The following MEOX2 variants were observed in gnomAD, a reference collection of about 807,000 sequenced individuals.
MEOX2 encodes mesenchyme homeobox 2.
A neutral mutation model predicts 27.0 loss-of-function variants in MEOX2; 11 were observed. The ratio of observed to expected loss-of-function variants is 0.41; its 90% confidence interval spans 0.26 to 0.68. MEOX2 has a LOEUF of 0.68. MEOX2 is among the 30% of genes least tolerant of loss of function. MEOX2 has a pLI of 0.33. For synonymous variants in MEOX2, 189 were observed against 155.4 expected (o/e 1.22, Z -1.61); for missense variants, 436 against 385.4 (o/e 1.13, Z -1.10).
intron 1 of MEOX2, among the ~76,000 whole-genome samples, chr7:15,660,571 C>T (rs1289877146): frequency 6.6e-6 from 1 of 152,058 alleles, no homozygotes; most frequent in African/African-American, 2.4e-5. Context: ...TTCCCGCCTC[C>T]GACTTGTGAC....
rs115492688 is a variant in MEOX2 at position 15,653,995 on chromosome 7, G to A, written c.518-27077C>T. ...CTGACATAAAACTTACAGCAAATTG[G>A]GGGAAATTGACATCTTTACTATGTT... On this transcript the variant is annotated intron_variant, in intron 1 of 2. Transcript: ENST00000262041. Among the ~76,000 whole-genome samples, 609 of 151,896 alleles carry A rather than the reference G, an allele frequency of 4.0e-3. 4 individuals carry two copies. Among genetic ancestry groups the A allele is most frequent in the African/African-American group, 0.014 (570 of 41,474 alleles).
chr7:15,681,653 C>T lies in MEOX2; in HGVS notation c.517+4233G>A, dbSNP rs17168980. ...AAATTCCAGAGTTATAATGAACGGT[C>T]TATGTTTTGAAACACAGAGGGAGAA... On this transcript the variant is annotated intron_variant, in intron 1 of 2. Coordinates refer to ENST00000262041, the MANE Select transcript of MEOX2 (RefSeq NM_005924.5). The T allele has an allele frequency of 8.6e-5, 13 of 151,648 alleles. No individual in the cohort carries two copies. The East Asian group carries it at 2.3e-3, about 27-fold the overall frequency. The allele number at this position is 151,648 out of a possible 1,614,324, so 9.4% of individuals were successfully genotyped here.
intron 1 of MEOX2, among the ~76,000 whole-genome samples, chr7:15,631,127 G>C (rs1332945477): frequency 2.6e-5 from 4 of 151,628 alleles, no homozygotes; most frequent in African/African-American, 2.4e-5. Context: ...CTCTTTGATA[G>C]CTATAATAAT....
chr7:15,683,910 T>G (rs910423814), intron 1 of MEOX2, among the ~76,000 whole-genome samples: 1 of 152,198 alleles, frequency 6.6e-6, no homozygotes, highest in Non-Finnish European at 1.5e-5. Context: ...TCCAGTACCC[T>G]CATTATCAGC....
At position 15,686,478 on chromosome 7, in the gene MEOX2, C is replaced by T. The variant is rs1278622777; in HGVS notation, c.-76G>A. The T allele has an allele frequency of 1.5e-6, 2 of 1,327,106 alleles. No individual in the cohort carries two copies. Among genetic ancestry groups the T allele is most frequent in the African/African-American group, 3.3e-5 (2 of 60,036 alleles). 82.2% of individuals were successfully genotyped at this position (1,327,106 alleles called of 1,614,324 possible). ...GCCACCACCCTCTGTCACTTTTTCA[C>T]TGGAAACCGTGTGATTTTTTTTTTA... On this transcript the variant is annotated 5_prime_UTR_variant, in exon 1 of 3. In the 5' UTR this introduces an upstream ATG that the reference lacks. Coordinates refer to ENST00000262041, the MANE Select transcript of MEOX2 (RefSeq NM_005924.5).
At chr7:15,627,251 A>G (rs1384152861) in intron 1 of MEOX2, among the ~76,000 whole-genome samples, 1 of 152,118 alleles carries the variant, frequency 6.6e-6, no homozygotes. Flanking sequence ...GTTCTGTTTC[A>G]TAAGTTGTTG....
rs927607377 is a variant in MEOX2 at position 15,686,634 on chromosome 7, G to A, written c.-232C>T. The stretch of plus-strand genomic sequence containing the variant: ...CTTCCCTGAGCTACTCAGATGTCAA[G>A]AGTGGGAGAGGTTGAAGCCAAAAGA... On this transcript the variant is annotated 5_prime_UTR_variant, in exon 1 of 3. Coordinates refer to ENST00000262041, the MANE Select transcript of MEOX2 (RefSeq NM_005924.5). 2.0e-5 allele frequency: 11 copies of A among 544,554 alleles called. No homozygotes were observed. In the East Asian group the frequency reaches 2.6e-4, roughly 13 times the overall value. 33.7% of individuals were successfully genotyped at this position (544,554 alleles called of 1,614,324 possible). A position where few individuals can be genotyped will look rare whatever the true frequency, so the allele number is the denominator to read the frequency against.
At chr7:15,629,961 C>T (rs1056657097) in intron 1 of MEOX2, among the ~76,000 whole-genome samples, 1 of 152,034 alleles carries the variant, frequency 6.6e-6, no homozygotes, top group Non-Finnish European at 1.5e-5. Flanking sequence ...CCCTTTTCTT[C>T]AACCTCCCAT....
At chr7:15,644,489 G>A (rs781744296) in intron 1 of MEOX2, among the ~76,000 whole-genome samples, 2 of 152,184 alleles carry the variant, frequency 1.3e-5, no homozygotes, top group Non-Finnish European at 1.5e-5. Flanking sequence ...GGAGGATGGA[G>A]AAGAACATAG....
Position 15,686,362 on chromosome 7 carries a change from G to C in MEOX2, c.41C>G (p.Ala14Gly), listed in dbSNP as rs148483007. 443 of 1,591,346 alleles carry C rather than the reference G, an allele frequency of 2.8e-4. No individual in the cohort carries two copies. The highest frequency in any genetic ancestry group is 3.5e-4 in the Non-Finnish European group (411 of 1,168,266). The change falls in exon 1 of 3, where the codon GCC becomes GGC. Residue 14 changes from alanine (A) to glycine (G), a missense_variant. Physicochemically the swap from Ala to Gly is moderately conservative, Grantham distance 60. Transcript: ENST00000262041. The part of the protein sequence containing the change: ...PLFGCLRSPH[A>G]TAQGLHPFSQ... ...GAACGGGTGCAAGCCTTGCGCCGTG[G>C]CGTGAGGGCTGCGCAGGCAGCCAAA...
At chr7:15,677,935 GA>G (rs1782227742) in intron 1 of MEOX2, among the ~76,000 whole-genome samples, 1 of 152,144 alleles carries the variant, frequency 6.6e-6, no homozygotes, top group African/African-American at 2.4e-5. Context: ...GGGTATTCTA[GA>G]AAATAAATTA....
At position 15,640,842 on chromosome 7, in the gene MEOX2, T is replaced by C. The variant is rs183694779; in HGVS notation, c.518-13924A>G. Among the ~76,000 whole-genome samples, 587 of 152,332 alleles carry C rather than the reference T, an allele frequency of 3.9e-3. 14 individuals carry two copies. The highest frequency in any genetic ancestry group is 0.035 in the Admixed American group (530 of 15,286). ...TGAATCATATTTATTGAGTTGTGTATGTTGAACTATCCTTGCTTCCCTGGA... is the reference window on the plus strand; with the variant it reads ...TGAATCATATTTATTGAGTTGTGTACGTTGAACTATCCTTGCTTCCCTGGA... On this transcript the variant is annotated intron_variant, in intron 1 of 2. Transcript: ENST00000262041.
chr7:15,632,675 C>G (rs1360066855), intron 1 of MEOX2, among the ~76,000 whole-genome samples: 2 of 151,880 alleles, frequency 1.3e-5, no homozygotes, highest in African/African-American at 2.4e-5. Context: ...AAATTTGACA[C>G]AGATTTGATT....
chr7:15,682,422 G>C (rs556398836), intron 1 of MEOX2, among the ~76,000 whole-genome samples: 2 of 151,918 alleles, frequency 1.3e-5, no homozygotes, highest in East Asian at 3.9e-4. Flanking sequence ...CATATAGACA[G>C]ACATAATTTG....
chr7:15,675,367 G>C (rs1160965443), intron 1 of MEOX2, among the ~76,000 whole-genome samples: 2 of 152,186 alleles, frequency 1.3e-5, no homozygotes, highest in Non-Finnish European at 2.9e-5. Context: ...GATTCTGGGA[G>C]AGGTAATTTA....
intron 1 of MEOX2, among the ~76,000 whole-genome samples, chr7:15,684,394 G>C (rs765384174): frequency 3.9e-5 from 6 of 152,124 alleles, no homozygotes; most frequent in African/African-American, 9.7e-5. Context: ...TCTAAAGAGA[G>C]TTTCACTTAT....
At chr7:15,643,677 C>CCA (rs1409319915) in intron 1 of MEOX2, among the ~76,000 whole-genome samples, 1 of 152,210 alleles carries the variant, frequency 6.6e-6, no homozygotes, top group Non-Finnish European at 1.5e-5. Context: ...GGCTGTCAGG[C>CCA]CACACACCCT....
At chr7:15,658,326 G>A (rs928127982) in intron 1 of MEOX2, among the ~76,000 whole-genome samples, 24 of 152,210 alleles carry the variant, frequency 1.6e-4, no homozygotes, top group African/African-American at 4.8e-4. Context: ...GCCTTCACTA[G>A]TGTGGATGCA....
At chr7:15,643,836 G>A (rs1195833978) in intron 1 of MEOX2, among the ~76,000 whole-genome samples, 2 of 152,174 alleles carry the variant, frequency 1.3e-5, no homozygotes, top group African/African-American at 4.8e-5. Flanking sequence ...CCTATGCAGT[G>A]TGCTTGTGTC....
Sources: allele counts gnomAD v4.1 joint callset (sites outside exome capture counted in the v4.1 genomes callset), GRCh38; gene constraint gnomAD v4.1.1; transcripts MANE v1.5; gene names NCBI Gene and HGNC (gene_info 2026-07-23, HGNC 2026-07-21).